Variants in PLCD3 observed in about 807,000 individuals in gnomAD.
The protein encoded by PLCD3 is 1-phosphatidylinositol 4,5-bisphosphate phosphodiesterase delta-3.
A neutral mutation model predicts 82.8 loss-of-function variants in PLCD3; 62 were observed. The observed-to-expected ratio is 0.75, with a 90% CI of 0.61 to 0.93. The LOEUF (loss-of-function observed/expected upper bound fraction) is 0.93. PLCD3 is among the 40% of genes least tolerant of loss of function. The pLI, the probability that PLCD3 is intolerant of heterozygous loss-of-function variation, is 0.00. For missense variants in PLCD3, 1,023 were observed against 1,103.4 expected (o/e 0.93, Z 1.03); for synonymous variants, 478 against 471.8 (o/e 1.01, Z -0.17).
intron 1 of PLCD3, among the ~76,000 whole-genome samples, chr17:45,128,613 C>A (rs1157305084): frequency 1.3e-5 from 2 of 152,198 alleles, no homozygotes; most frequent in Non-Finnish European, 2.9e-5. Context: ...GGCAAGGGGG[C>A]AGGATTCTGC....
In PLCD3 at chr17:45,120,602, T is replaced by C. The variant is rs2054328520; in HGVS notation, c.555-148A>G. On this transcript the variant is annotated intron_variant, in intron 3 of 14. Transcript: ENST00000619929. ...TGGCCTGTGCACTCCCCGAGCACGG[T>C]AGCAGTGTCTCCTCCGCAGGACTGG... 5.7e-6 allele frequency: 6 copies of C among 1,044,414 alleles called. No individual in the cohort carries two copies. In the Admixed American group the frequency reaches 1.2e-4, roughly 22 times the overall value. The allele number at this position is 1,044,414 out of a possible 1,614,324, so 64.7% of individuals were successfully genotyped here. A position where few individuals can be genotyped will look rare whatever the true frequency, so the allele number is the denominator to read the frequency against.
rs188604899 is a variant in PLCD3, at chr17:45,118,259, C to G, written c.1115+32G>C. On this transcript the variant is annotated intron_variant, in intron 6 of 14. Transcript: ENST00000619929. The surrounding 1 kb of genome is among the most constrained non-coding windows in gnomAD (Gnocchi z 4.1). ...AGCCCATGTCTCTCCCCAGGTGGGG[C>G]TCCCGGAAACATTCACCCCCTGCTA... The G allele has an allele frequency of 6.2e-7, 1 of 1,612,876 alleles. No individual in the cohort carries two copies. Among genetic ancestry groups the G allele is most frequent in the Non-Finnish European group, 8.5e-7 (1 of 1,179,194 alleles).
Position 45,118,108 on chromosome 17 carries a change from C to T in PLCD3, c.1146G>A (p.Glu382=). Residue 382 remains glutamate (E), a synonymous_variant, in exon 7 of 15, where the codon GAG becomes GAA. Transcript: ENST00000619929. This position sits in a 1 kb window ranked among gnomAD's most constrained non-coding sequence, Gnocchi z 4.1. Reference sequence around the variant, plus strand: ...CTCCTGGCCCCTCCCAGCAGTCCAGCTCCACGCAGCGGCATCCCTGGGCAA... The same window carrying T: ...CTCCTGGCCCCTCCCAGCAGTCCAGTTCCACGCAGCGGCATCCCTGGGCAA... ...RAFAQGCRCV[E]LDCWEGPGGE... 1 of 1,613,964 alleles carries T rather than the reference C, an allele frequency of 6.2e-7. No homozygotes were observed. The highest frequency in any genetic ancestry group is 8.5e-7 in the Non-Finnish European group (1 of 1,179,876).
Position 45,109,923 on chromosome 17 carries a change from A to C in PLCD3, c.*2693T>G, listed in dbSNP as rs1336616266. On this transcript the variant is annotated 3_prime_UTR_variant, in exon 15 of 15. Transcript: ENST00000619929. ...AAACCCTGTCTCTACTAAAAACACAAAAAAATTAGCCGGGCATGGTGGTGG... is the reference window on the plus strand; with the variant it reads ...AAACCCTGTCTCTACTAAAAACACACAAAAATTAGCCGGGCATGGTGGTGG... The C allele has an allele frequency of 6.6e-6, 1 of 151,630 alleles. No individual in the cohort carries two copies. The highest frequency in any genetic ancestry group is 6.6e-5 in the Admixed American group (1 of 15,198). 9.4% of individuals were successfully genotyped at this position (151,630 alleles called of 1,614,324 possible).
Position 45,127,257 on chromosome 17 carries a change from G to T in PLCD3, c.163+4991C>A, listed in dbSNP as rs563592952. 5.5e-4 allele frequency among the ~76,000 whole-genome samples: 84 copies of T among 152,326 alleles called. 1 individual carries two copies. Among genetic ancestry groups the T allele is most frequent in the Middle Eastern group, 6.8e-3 (2 of 292 alleles). On this transcript the variant is annotated intron_variant, in intron 1 of 14. Transcript: ENST00000619929. ...GTCCCCTTAGTCCCATGGCCTCCAG[G>T]GGGTACCTTCCCCAGACCAGGACAG...
intron 10 of PLCD3, 29 bp downstream of exon 10, chr17:45,115,065 C>A: frequency 6.3e-7 from 1 of 1,577,694 alleles, no homozygotes; most frequent in East Asian, 2.3e-5. Flanking sequence ...ACCCTCTCGC[C>A]CCCAGACACC....
At chr17:45,124,943 C>T (rs1309624439) in intron 1 of PLCD3, among the ~76,000 whole-genome samples, 1 of 152,054 alleles carries the variant, frequency 6.6e-6, no homozygotes, top group Admixed American at 6.6e-5. Flanking sequence ...GTAATCCCAG[C>T]ACTTTGGGAG....
chr17:45,120,568 CT>C, intron 3 of PLCD3, 114 bp from the exon 4 acceptor site: 5 of 1,412,838 alleles, frequency 3.5e-6, no homozygotes, highest in Non-Finnish European at 4.8e-6. Flanking sequence ...AGGGGCTGTA[CT>C]TTCCCCTTGG....
rs1252035634 is a variant in PLCD3 at position 45,121,142 on chromosome 17, GCCGGGTCAGGGCGGAGGA to G, written c.326-30_326-13del. 2 of 1,518,484 alleles carry G rather than the reference GCCGGGTCAGGGCGGAGGA, an allele frequency of 1.3e-6. No homozygotes were observed. Among genetic ancestry groups the G allele is most frequent in the Non-Finnish European group, 1.8e-6 (2 of 1,139,386 alleles). 94.1% of individuals were successfully genotyped at this position (1,518,484 alleles called of 1,614,324 possible). On this transcript the variant is annotated splice_polypyrimidine_tract_variant and intron_variant, in intron 2 of 14. Transcript: ENST00000619929. ...GTGCTGCACGAAGACTGAGAGGAGG[GCCGGGTCAGGGCGGAGGA>G]CCGGGCCTGTCCCCACCTCCCTGTC...
Position 45,110,214 on chromosome 17 carries a change from C to A in PLCD3, c.*2402G>T, listed in dbSNP as rs549741846. On this transcript the variant is annotated 3_prime_UTR_variant, in exon 15 of 15. Transcript: ENST00000619929. Reference sequence around the variant, plus strand: ...ATCCCAGCACTTTGGGAGGTCAAGGCGGGTGGATCACCTGAGGTCAGGAGT... The same window carrying A: ...ATCCCAGCACTTTGGGAGGTCAAGGAGGGTGGATCACCTGAGGTCAGGAGT... The A allele has an allele frequency of 6.6e-6, 1 of 151,970 alleles. No homozygotes were observed. Among genetic ancestry groups the A allele is most frequent in the Non-Finnish European group, 1.5e-5 (1 of 68,046 alleles). The allele number at this position is 151,970 out of a possible 1,614,324, so 9.4% of individuals were successfully genotyped here.
At position 45,112,432 on chromosome 17, in the gene PLCD3, T is replaced by G. The variant is rs1006653907; in HGVS notation, c.*184A>C. 61 of 658,754 alleles carry G rather than the reference T, an allele frequency of 9.3e-5. 1 individual carries two copies. Among genetic ancestry groups the G allele is most frequent in the Non-Finnish European group, 1.6e-4 (59 of 378,776 alleles). The allele number at this position is 658,754 out of a possible 1,614,324, so 40.8% of individuals were successfully genotyped here. On this transcript the variant is annotated 3_prime_UTR_variant, in exon 15 of 15. Coordinates refer to ENST00000619929, the MANE Select transcript of PLCD3 (RefSeq NM_133373.5). ...AAGTCACATGAACACCTTTCTGTTC[T>G]TCAGGAGGGGCCCAGGCAGCCCTCA... is the stretch of plus-strand genomic sequence containing the variant.
chr17:45,129,051 C>G lies in PLCD3; in HGVS notation c.163+3197G>C, dbSNP rs2054401628. On this transcript the variant is annotated intron_variant, in intron 1 of 14. Transcript: ENST00000619929. ...CCAAATCTCTCTGAGTCTTAGTTTC[C>G]TCATCTGTAAGAGAAGGCTACTGGT... The G allele has an allele frequency of 2.0e-5, 3 of 152,370 alleles. No homozygotes were observed. The South Asian group carries it at 6.2e-4, about 32-fold the overall frequency. The allele number at this position is 152,370 out of a possible 1,614,324, so 9.4% of individuals were successfully genotyped here. A position where few individuals can be genotyped will look rare whatever the true frequency, so the allele number is the denominator to read the frequency against.
intron 1 of PLCD3, among the ~76,000 whole-genome samples, chr17:45,129,492 CA>C (rs2054404242): frequency 6.6e-6 from 1 of 152,182 alleles, no homozygotes; most frequent in Non-Finnish European, 1.5e-5. Context: ...ACAACAGCAA[CA>C]ACAAAAAGTA....
Position 45,115,380 on chromosome 17 carries a change from TTCC to T in PLCD3, c.1521_1523del (p.Glu511del), listed in dbSNP as rs749946240. On this transcript the variant is annotated inframe_deletion, in exon 9 of 15. Coordinates refer to ENST00000619929, the MANE Select transcript of PLCD3 (RefSeq NM_133373.5). ...GCGCTGCAGCCTCCACCTCCTCTTC[TTCC>T]TCCTCGTCATCCTCCTCCTCCTCCT... The T allele has an allele frequency of 5.1e-6, 8 of 1,563,508 alleles. No homozygotes were observed. The highest frequency in any genetic ancestry group is 1.7e-4 in the Middle Eastern group (1 of 5,870).
Position 45,115,427 on chromosome 17 carries a change from G to A in PLCD3, c.1477C>T (p.Arg493Trp), listed in dbSNP as rs370582024. 30 of 1,609,994 alleles carry A rather than the reference G, an allele frequency of 1.9e-5. No individual in the cohort carries two copies. Among genetic ancestry groups the A allele is most frequent in the Non-Finnish European group, 1.4e-5 (17 of 1,178,514 alleles). The change falls in exon 9 of 15, where the codon CGG (arginine) becomes TGG (tryptophan). Residue 493 changes from arginine to tryptophan, a missense_variant. By Grantham distance (101) the Arg-to-Trp change is moderately radical (BLOSUM62 -3). Transcript: ENST00000619929. ...TCCTCCTCCCGATCCGACAGAGCCC[G>A]GCCATCCTCGCTCCGAGCAGCGGGC... ...KLPAARSEDG[R>W]ALSDREEEEE...
chr17:45,131,033 C>A (rs948553869), intron 1 of PLCD3, among the ~76,000 whole-genome samples: 8 of 152,308 alleles, frequency 5.3e-5, no homozygotes, highest in African/African-American at 1.7e-4. Context: ...AGGCACTCCA[C>A]AAGTGCTTGT....
chr17:45,121,412 G>C, intron 1 of PLCD3, 40 bp from the exon 2 acceptor site: 1 of 1,453,860 alleles, frequency 6.9e-7, no homozygotes. Flanking sequence ...GGCCGTACCT[G>C]CCCAGAGGCT....
At position 45,123,963 on chromosome 17, in the gene PLCD3, C is replaced by CA. The variant is rs1420229800; in HGVS notation, c.164-2592_164-2591insT. Among the ~76,000 whole-genome samples, 4 of 141,888 alleles carry CA rather than the reference C, an allele frequency of 2.8e-5. No homozygotes were observed. The East Asian group carries it at 5.9e-4, about 21-fold the overall frequency. 93.1% of individuals were successfully genotyped at this position (141,888 alleles called of 152,430 possible). On this transcript the variant is annotated intron_variant, in intron 1 of 14. Coordinates refer to ENST00000619929, the MANE Select transcript of PLCD3 (RefSeq NM_133373.5). ...GGCCGAGGGGCTCACCAGACCCCCC[C>CA]CCCAACCAGGTCCAGGTAGCCTCTA...
Position 45,120,309 on chromosome 17 carries a change from C to T in PLCD3, c.684+16G>A, listed in dbSNP as rs748069726. 2.4e-5 allele frequency: 38 copies of T among 1,613,678 alleles called. No homozygotes were observed. In the Admixed American group the frequency reaches 5.2e-4, roughly 22 times the overall value. Reference sequence around the variant, plus strand: ...GATGGCAGAGCCAGGGGCTGGGGTTCAGGGCGGAAGCCCACCTTGAAGAGG... The same window carrying T: ...GATGGCAGAGCCAGGGGCTGGGGTTTAGGGCGGAAGCCCACCTTGAAGAGG... On this transcript the variant is annotated intron_variant, in intron 4 of 14. Coordinates refer to ENST00000619929, the MANE Select transcript of PLCD3 (RefSeq NM_133373.5).
Sources: gnomAD v4.1 joint callset for allele counts (sites outside exome capture counted in the v4.1 genomes callset) on GRCh38, gnomAD v4.1.1 for gene constraint, Gnocchi (gnomAD v3.1) non-coding constraint, MANE v1.5 for transcripts, NCBI Gene and HGNC (gene_info 2026-07-23, HGNC 2026-07-21) for gene names.